CCDC93: variants seen among roughly 807,000 people sequenced by gnomAD.
CCDC93 encodes the protein coiled-coil domain-containing protein 93.
Under a neutral mutation model 108.2 loss-of-function variants are expected in CCDC93, and 61 were observed. The ratio of observed to expected loss-of-function variants is 0.56; its 90% CI spans 0.46 to 0.70. The LOEUF is 0.70. Ranked by LOEUF, CCDC93 falls within the 30% of genes least tolerant of loss-of-function variation. CCDC93 has a pLI of 0.00. For missense variants in CCDC93, 685 were observed against 764.2 expected, an observed-to-expected ratio of 0.90 and a Z score of 1.22; for synonymous variants, 276 against 260.4, an observed-to-expected ratio of 1.06 and a Z score of -0.58.
chr2:117,978,121 A>G, intron 7 of CCDC93, 91 bp from the exon 8 acceptor site: 1 of 1,142,960 alleles, frequency 8.7e-7, no homozygotes, highest in Non-Finnish European at 1.3e-6. Flanking sequence ...TACATGAAAA[A>G]CATCAAGAGA....
intron 23 of CCDC93, among the ~76,000 whole-genome samples, chr2:117,923,426 G>C (rs1399026851): frequency 6.6e-6 from 1 of 152,182 alleles, no homozygotes; most frequent in African/African-American, 2.4e-5. Flanking sequence ...CTAATACTGT[G>C]CTTTTCCAAC....
chr2:117,933,221 T>C (rs1678402863), intron 22 of CCDC93, among the ~76,000 whole-genome samples: 1 of 152,234 alleles, frequency 6.6e-6, no homozygotes, highest in Non-Finnish European at 1.5e-5. Flanking sequence ...AAATGGTAAG[T>C]GAATGATCCA....
At chr2:117,999,379 A>G (rs1218766954) in intron 4 of CCDC93, 1 of 152,216 alleles carries the variant, frequency 6.6e-6, no homozygotes, top group Non-Finnish European at 1.5e-5. Flanking sequence ...CCCTTAAGCA[A>G]ATCAATTACC....
chr2:117,982,619 G>A (rs1680180316), intron 7 of CCDC93, among the ~76,000 whole-genome samples: 1 of 152,102 alleles, frequency 6.6e-6, no homozygotes, highest in Non-Finnish European at 1.5e-5. Context: ...TCAACCCCAA[G>A]GAAGAAATAC....
In CCDC93 at chr2:117,977,104, G is replaced by A. The variant is rs558286481; in HGVS notation, c.657+890C>T. The stretch of plus-strand genomic sequence containing the variant: ...GCGCCCACCACCACTCCCGGAGAAT[G>A]TTTTTTTGTATTTTTAGTAGAGACG... On this transcript the variant is annotated intron_variant, in intron 8 of 23. Transcript: ENST00000376300. Among the ~76,000 whole-genome samples the A allele has an allele frequency of 3.3e-5, 5 of 150,734 alleles. No homozygotes were observed. In the South Asian group the frequency reaches 1.0e-3, roughly 32 times the overall value.
chr2:117,944,280 T>C (rs1407429513), intron 17 of CCDC93, among the ~76,000 whole-genome samples, 194 bp from the exon 18 acceptor site: 1 of 152,250 alleles, frequency 6.6e-6, no homozygotes, highest in Non-Finnish European at 1.5e-5. Flanking sequence ...TATCATGTTA[T>C]AACAACTCTT....
intron 17 of CCDC93, chr2:117,944,602 A>G (rs1482833331): frequency 2.5e-6 from 1 of 396,054 alleles, no homozygotes; most frequent in Non-Finnish European, 5.2e-6. Flanking sequence ...GCAATGAGAC[A>G]TGGCTGGATG....
intron 11 of CCDC93, among the ~76,000 whole-genome samples, chr2:117,970,019 A>C (rs1679712141): frequency 6.6e-6 from 1 of 152,236 alleles, no homozygotes; most frequent in Non-Finnish European, 1.5e-5. Flanking sequence ...CCTCACTACA[A>C]GCAGCAATAT....
chr2:117,962,691 A>T (rs900211805), intron 11 of CCDC93, among the ~76,000 whole-genome samples: 1 of 152,202 alleles, frequency 6.6e-6, no homozygotes, highest in Admixed American at 6.5e-5. Context: ...ATATTTATTT[A>T]AAAATGTTTT....
At chr2:117,923,273 A>C (rs558562597) in intron 23 of CCDC93, among the ~76,000 whole-genome samples, 1 of 152,274 alleles carries the variant, frequency 6.6e-6, no homozygotes, top group South Asian at 2.1e-4. Flanking sequence ...TGGGTGCAAG[A>C]CAGCGCGTGC....
At chr2:117,931,907 A>G (rs551299891) in intron 22 of CCDC93, among the ~76,000 whole-genome samples, 23 of 152,212 alleles carry the variant, frequency 1.5e-4, no homozygotes, top group Admixed American at 2.6e-4. Flanking sequence ...CTGAGTAGCT[A>G]CGTGTAGTGG....
At chr2:117,974,035 G>A (rs946087310) in intron 10 of CCDC93, 41 bp from the exon 11 acceptor site, 1 of 1,312,544 alleles carries the variant, frequency 7.6e-7, no homozygotes, top group African/African-American at 1.4e-5. Flanking sequence ...GCCAAGCCTT[G>A]TCTTCCATAG....
chr2:117,990,503 G>T (rs1680444395), intron 6 of CCDC93, among the ~76,000 whole-genome samples: 1 of 152,092 alleles, frequency 6.6e-6, no homozygotes, highest in South Asian at 2.1e-4. Flanking sequence ...CTGGCAATCT[G>T]GCAAGAAGTA....
chr2:117,920,161 C>A lies in CCDC93; in HGVS notation c.*182G>T. The A allele has an allele frequency of 1.9e-6, 1 of 525,662 alleles. No individual in the cohort carries two copies. The highest frequency in any genetic ancestry group is 3.4e-6 in the Non-Finnish European group (1 of 289,888). The allele number at this position is 525,662 out of a possible 1,614,324, so 32.6% of individuals were successfully genotyped here. On this transcript the variant is annotated 3_prime_UTR_variant, in exon 24 of 24. Coordinates refer to ENST00000376300, the MANE Select transcript of CCDC93 (RefSeq NM_019044.5). Reference sequence around the variant, plus strand: ...TCCAAGCCACGTGTTTACTGTCTGACTCCATCAACAGCAGCCAACAGAGAT... The same window carrying A: ...TCCAAGCCACGTGTTTACTGTCTGAATCCATCAACAGCAGCCAACAGAGAT...
intron 23 of CCDC93, among the ~76,000 whole-genome samples, chr2:117,927,917 G>A (rs180725444): frequency 6.6e-6 from 1 of 152,120 alleles, no homozygotes; most frequent in Non-Finnish European, 1.5e-5. Flanking sequence ...CAGAGATATA[G>A]ACCAATGGAA....
intron 11 of CCDC93, among the ~76,000 whole-genome samples, chr2:117,958,862 T>C (rs1003295597): frequency 4.6e-5 from 7 of 152,218 alleles, no homozygotes; most frequent in Non-Finnish European, 1.0e-4. Flanking sequence ...TTCACTGTGA[T>C]CGAAGTATTA....
At chr2:117,944,626 G>A in intron 17 of CCDC93, 1 of 438,544 alleles carries the variant, frequency 2.3e-6, no homozygotes, top group Non-Finnish European at 4.8e-6. Context: ...CATGGTAAGA[G>A]ACATGGCTGG....
At chr2:117,968,985 A>C (rs1253004598) in intron 11 of CCDC93, among the ~76,000 whole-genome samples, 1 of 152,154 alleles carries the variant, frequency 6.6e-6, no homozygotes. Flanking sequence ...CCAATAAGCA[A>C]ACCATGGTAG....
intron 11 of CCDC93, among the ~76,000 whole-genome samples, chr2:117,960,731 C>T (rs1679365595): frequency 6.6e-6 from 1 of 152,076 alleles, no homozygotes; most frequent in Non-Finnish European, 1.5e-5. Flanking sequence ...CCCTCAAAAC[C>T]CTGTCAGAAG....
Sources: gnomAD v4.1 joint callset for allele counts (sites outside exome capture counted in the v4.1 genomes callset) on GRCh38, gnomAD v4.1.1 for gene constraint, MANE v1.5 for transcripts, NCBI Gene and HGNC (gene_info 2026-07-23, HGNC 2026-07-21) for gene names.